Variants in MCFD2 observed in about 807,000 individuals in gnomAD.
The protein encoded by MCFD2 is multiple coagulation factor deficiency 2, ER cargo receptor complex subunit.
A neutral mutation model predicts 12.8 loss-of-function variants in MCFD2; 11 were observed. The observed-to-expected ratio is 0.86, with a 90% CI of 0.54 to 1.42. The LOEUF (loss-of-function observed/expected upper bound fraction) is 1.42, where lower values mean the gene tolerates loss of function less well. Among genes scored for constraint, MCFD2 ranks in the 40% most tolerant of loss-of-function variants. The pLI, the probability that MCFD2 is intolerant of heterozygous loss-of-function variation, is 0.00. For synonymous variants in MCFD2, 70 were observed against 68.1 expected, an observed-to-expected ratio of 1.03 and a Z score of -0.14; for missense variants, 191 against 178.6, an observed-to-expected ratio of 1.07 and a Z score of -0.40.
upstream of MCFD2, chr2:46,915,845 C>G (rs1367231038): frequency 1.1e-6 from 1 of 934,326 alleles, no homozygotes; most frequent in Non-Finnish European, 1.3e-6. Context: ...CCTGCGCACG[C>G]GCGCTCCCTG....
In MCFD2 at chr2:46,915,761, T is replaced by C; in HGVS notation, c.-45A>G. 1.0e-6 allele frequency: 1 copy of C among 970,786 alleles called. No individual in the cohort carries two copies. The highest frequency in any genetic ancestry group is 1.2e-6 in the Non-Finnish European group (1 of 820,752). The allele number at this position is 970,786 out of a possible 1,614,324, so 60.1% of individuals were successfully genotyped here. ...GAAGCAGACGCGAAGCCCTCCAACG[T>C]GAGCCTCACCAGCCCCCGTCCCCAA... On this transcript the variant is annotated 5_prime_UTR_variant, in exon 1 of 4. Transcript: ENST00000319466.
chr2:46,908,610 C>G lies in MCFD2; in HGVS notation c.149+413G>C, dbSNP rs1338944735. 3.2e-6 allele frequency: 1 copy of G among 311,668 alleles called. No individual in the cohort carries two copies. The highest frequency in any genetic ancestry group is 6.2e-6 in the Non-Finnish European group (1 of 161,206). The allele number at this position is 311,668 out of a possible 1,614,324, so 19.3% of individuals were successfully genotyped here. Reference sequence around the variant, plus strand: ...GTATAATGCGTGAGGCTAACTGGCCCAAGACAAAAGCTGCAACAAATGATT... The same window carrying G: ...GTATAATGCGTGAGGCTAACTGGCCGAAGACAAAAGCTGCAACAAATGATT... On this transcript the variant is annotated intron_variant, in intron 2 of 3. Coordinates refer to ENST00000319466, the MANE Select transcript of MCFD2 (RefSeq NM_139279.6). The surrounding 1 kb of genome is among the most constrained non-coding windows in gnomAD (Gnocchi z 4.5).
In MCFD2 at chr2:46,915,722, C is replaced by A; in HGVS notation, c.-7+1G>T. 1.0e-6 allele frequency: 1 copy of A among 973,632 alleles called. No individual in the cohort carries two copies. The highest frequency in any genetic ancestry group is 1.2e-6 in the Non-Finnish European group (1 of 819,258). 60.3% of individuals were successfully genotyped at this position (973,632 alleles called of 1,614,324 possible). A position where few individuals can be genotyped will look rare whatever the true frequency, so the allele number is the denominator to read the frequency against. On this transcript the variant is annotated splice_donor_variant, in intron 1 of 3. Transcript: ENST00000319466. LOFTEE classifies it low-confidence loss of function (5UTR_SPLICE). The stretch of plus-strand genomic sequence containing the variant: ...TGCGGAGAGTGCGCTAGTTCACTCA[C>A]CCTTACGGTCTCCGAAGCAGACGCG...
intron 1 of MCFD2, among the ~76,000 whole-genome samples, chr2:46,934,787 C>CTTTTCTT (rs1669883537): frequency 6.0e-5 from 4 of 66,888 alleles, no homozygotes; most frequent in African/African-American, 2.6e-4. Context: ...GACTACTGCT[C>CTTTTCTT]TTTTTTTTTT....
At chr2:46,913,699 C>T (rs1213889553) in intron 1 of MCFD2, 1 of 152,372 alleles carries the variant, frequency 6.6e-6, no homozygotes, top group Non-Finnish European at 1.5e-5. Context: ...ACAACCCATA[C>T]CTTGAGACAG....
At chr2:46,905,785 T>C in intron 3 of MCFD2, 191 bp from the exon 4 acceptor site, 1 of 651,200 alleles carries the variant, frequency 1.5e-6, no homozygotes, top group East Asian at 2.9e-5. Context: ...ATGGGGCTAC[T>C]TCTAGGAATC....
chr2:46,910,653 C>G (rs1572614002), intron 1 of MCFD2: 1 of 152,362 alleles, frequency 6.6e-6, no homozygotes, highest in Middle Eastern at 3.4e-3. Flanking sequence ...CCCTACAACA[C>G]TTAGAAAAAT....
At chr2:46,924,824 C>T (rs1669302088) in intron 1 of MCFD2, among the ~76,000 whole-genome samples, 1 of 152,222 alleles carries the variant, frequency 6.6e-6, no homozygotes, top group Non-Finnish European at 1.5e-5. Context: ...GACAAGGTTT[C>T]ACCATGTTGG....
At chr2:46,923,255 A>G (rs1424929763) in intron 1 of MCFD2, among the ~76,000 whole-genome samples, 4 of 152,354 alleles carry the variant, frequency 2.6e-5, no homozygotes, top group Non-Finnish European at 5.9e-5. Context: ...TTGGTGATCA[A>G]CTTAACCTTC....
chr2:46,906,905 C>T (rs1668263845), intron 3 of MCFD2: 2 of 152,196 alleles, frequency 1.3e-5, no homozygotes, highest in Non-Finnish European at 2.9e-5. Context: ...GTGGCAACAT[C>T]GCAGCTTGCC....
chr2:46,930,465 C>A (rs1572649079), intron 1 of MCFD2, among the ~76,000 whole-genome samples: 1 of 146,570 alleles, frequency 6.8e-6, no homozygotes. Context: ...CAAAAATTGA[C>A]CAAAGAAGAA....
Position 46,941,604 on chromosome 2 carries a change from C to T in MCFD2, c.-40G>A. On this transcript the variant is annotated 5_prime_UTR_variant, in exon 1 of 3. Transcript: ENST00000409147. This position sits in a 1 kb window ranked among gnomAD's most constrained non-coding sequence, Gnocchi z 4.2. ...TGGAGAGCGAGCTGGAGCGCTGCCG[C>T]GCCGAGGGCCACTGGGACCGCATGC... 6.4e-7 allele frequency: 1 copy of T among 1,556,616 alleles called. No homozygotes were observed. The highest frequency in any genetic ancestry group is 8.7e-7 in the Non-Finnish European group (1 of 1,150,778).
Position 46,937,812 on chromosome 2 carries a change from G to A in MCFD2, c.-8+3760C>T, listed in dbSNP as rs1021693279. Among the ~76,000 whole-genome samples, 1 of 152,214 alleles carries A rather than the reference G, an allele frequency of 6.6e-6. No homozygotes were observed. The highest frequency in any genetic ancestry group is 1.5e-5 in the Non-Finnish European group (1 of 68,046). On this transcript the variant is annotated intron_variant, in intron 1 of 2. Coordinates refer to the MCFD2 transcript ENST00000409147. The surrounding 1 kb of genome is among the most constrained non-coding windows in gnomAD (Gnocchi z 4.0). Reference sequence around the variant, plus strand: ...GGGGAAGCTGTGAACGTTAGTCAAGGTCTTTTGGAGGCTATCGGCAGTCTT... The same window carrying A: ...GGGGAAGCTGTGAACGTTAGTCAAGATCTTTTGGAGGCTATCGGCAGTCTT...
intron 1 of MCFD2, among the ~76,000 whole-genome samples, chr2:46,914,370 C>T (rs1279576551): frequency 2.0e-5 from 3 of 152,310 alleles, no homozygotes; most frequent in East Asian, 3.9e-4. Context: ...ACATCCTGTA[C>T]CCACAGCCAA....
rs1319428092 is a variant in MCFD2 at position 46,937,205 on chromosome 2, C to G, written c.-8+4367G>C. ...TTCTTGGCCAAAGCAAAATAAAAAG[C>G]TGAACTACTTAAAACTATCTTTTAG... On this transcript the variant is annotated intron_variant, in intron 1 of 2. Transcript: ENST00000409147. The surrounding 1 kb of genome is among the most constrained non-coding windows in gnomAD (Gnocchi z 4.0). 6.6e-6 allele frequency among the ~76,000 whole-genome samples: 1 copy of G among 152,090 alleles called. No homozygotes were observed. Among genetic ancestry groups the G allele is most frequent in the African/African-American group, 2.4e-5 (1 of 41,416 alleles).
At chr2:46,936,124 T>G (rs548795982) in intron 1 of MCFD2, among the ~76,000 whole-genome samples, 2 of 152,142 alleles carry the variant, frequency 1.3e-5, no homozygotes, top group African/African-American at 2.4e-5. Context: ...AATAAATATA[T>G]TTGCTTATTT....
chr2:46,928,738 C>A (rs778626607), intron 1 of MCFD2, among the ~76,000 whole-genome samples: 4 of 151,812 alleles, frequency 2.6e-5, no homozygotes, highest in Non-Finnish European at 5.9e-5. Flanking sequence ...CTACTGCACT[C>A]CAGCGTGGGT....
chr2:46,917,635 G>GTC (rs1212680777), upstream of MCFD2, among the ~76,000 whole-genome samples: 2 of 152,110 alleles, frequency 1.3e-5, no homozygotes, highest in African/African-American at 4.8e-5. Context: ...CCTGTGTTAT[G>GTC]TCTCTCTTGA....
rs1670056155 is a variant in MCFD2, at chr2:46,937,817, T to C, written c.-8+3755A>G. On this transcript the variant is annotated intron_variant, in intron 1 of 2. Transcript: ENST00000409147. The surrounding 1 kb of genome is among the most constrained non-coding windows in gnomAD (Gnocchi z 4.0). ...AGCTGTGAACGTTAGTCAAGGTCTT[T>C]TGGAGGCTATCGGCAGTCTTCCCTG... 6.6e-6 allele frequency among the ~76,000 whole-genome samples: 1 copy of C among 152,214 alleles called. No homozygotes were observed. Among genetic ancestry groups the C allele is most frequent in the South Asian group, 2.1e-4 (1 of 4,830 alleles).
Sources: allele counts gnomAD v4.1 joint callset (sites outside exome capture counted in the v4.1 genomes callset), GRCh38; gene constraint gnomAD v4.1.1; non-coding constraint Gnocchi (gnomAD v3.1); transcripts MANE v1.5; gene names NCBI Gene and HGNC (gene_info 2026-07-23, HGNC 2026-07-21).